The following GSK3B variants were observed in gnomAD, a reference collection of about 807,000 sequenced individuals.
GSK3B encodes glycogen synthase kinase-3 beta.
In GSK3B, 15 loss-of-function variants were observed where a neutral mutation model predicts 56.4. The observed-to-expected ratio is 0.27, with a 90% CI of 0.18 to 0.41. GSK3B has a LOEUF of 0.41. GSK3B is among the 10% of genes least tolerant of loss of function. GSK3B has a pLI of 1.00. For synonymous variants in GSK3B, 181 were observed against 188.9 expected (o/e 0.96, Z 0.34); for missense variants, 300 against 513.4 (o/e 0.58, Z 4.02).
chr3:120,092,913 CT>C (rs2058525993), intron 1 of GSK3B, among the ~76,000 whole-genome samples: 1 of 152,224 alleles, frequency 6.6e-6, no homozygotes, highest in South Asian at 2.1e-4. Flanking sequence ...ATGATAACCC[CT>C]GAGACCTAAA....
intron 1 of GSK3B, among the ~76,000 whole-genome samples, chr3:120,005,830 T>C (rs1326444917): frequency 1.3e-5 from 2 of 152,072 alleles, no homozygotes. Context: ...ACATGCCAAA[T>C]TATAAAGACC....
intron 9 of GSK3B, among the ~76,000 whole-genome samples, chr3:119,857,835 T>C (rs1245352627): frequency 1.3e-5 from 2 of 152,160 alleles, no homozygotes; most frequent in East Asian, 1.9e-4. Flanking sequence ...TAACAGGACA[T>C]AAAAGTAGAA....
In GSK3B at chr3:119,914,024, G is replaced by A. The variant is rs980471129; in HGVS notation, c.609-1214C>T. Among the ~76,000 whole-genome samples, 5 of 152,066 alleles carry A rather than the reference G, an allele frequency of 3.3e-5. No individual in the cohort carries two copies. The East Asian group carries it at 5.8e-4, about 18-fold the overall frequency. On this transcript the variant is annotated intron_variant, in intron 5 of 10. Transcript: ENST00000264235. The stretch of plus-strand genomic sequence containing the variant: ...CAGAAAATTCATTACGAGACAAAAC[G>A]TTAATACCCAAGCTTTGTAGCCTGA...
At chr3:119,947,932 C>T (rs565731968) in intron 2 of GSK3B, among the ~76,000 whole-genome samples, 7 of 150,606 alleles carry the variant, frequency 4.6e-5, no homozygotes, top group African/African-American at 1.5e-4. Flanking sequence ...GATTTGTAGA[C>T]CACACAAAAC....
rs145671544 is a variant in GSK3B at position 120,040,134 on chromosome 3, C to T, written c.89-37895G>A. On this transcript the variant is annotated intron_variant, in intron 1 of 10. Transcript: ENST00000264235. ...GACCAAAGTCAGAAGGTCGCAGGGG[C>T]GACAAAGTATTTCCTTGGTGGTTGG... Among the ~76,000 whole-genome samples, 232 of 152,328 alleles carry T rather than the reference C, an allele frequency of 1.5e-3. 2 individuals carry two copies. Among genetic ancestry groups the T allele is most frequent in the African/African-American group, 5.1e-3 (210 of 41,582 alleles).
chr3:119,909,484 G>C (rs1309163706), intron 6 of GSK3B, among the ~76,000 whole-genome samples: 1 of 152,206 alleles, frequency 6.6e-6, no homozygotes, highest in Non-Finnish European at 1.5e-5. Context: ...CTCCTTGTTT[G>C]TTAGCTTCCT....
At chr3:119,855,159 G>C (rs2056000098) in intron 9 of GSK3B, among the ~76,000 whole-genome samples, 1 of 152,064 alleles carries the variant, frequency 6.6e-6, no homozygotes, top group Admixed American at 6.6e-5. Context: ...CTTTATTTCT[G>C]CCTTCATTTT....
At chr3:119,858,529 T>G (rs529762146) in intron 9 of GSK3B, among the ~76,000 whole-genome samples, 45 of 152,306 alleles carry the variant, frequency 3.0e-4, no homozygotes, top group African/African-American at 1.1e-3. Flanking sequence ...CAGAACTGAG[T>G]GACATTAGGG....
At chr3:120,054,705 T>C in intron 1 of GSK3B, among the ~76,000 whole-genome samples, 1 of 152,182 alleles carries the variant, frequency 6.6e-6, no homozygotes, top group Non-Finnish European at 1.5e-5. Context: ...CTACTTATGC[T>C]ACACTGCTCA....
intron 4 of GSK3B, among the ~76,000 whole-genome samples, chr3:119,919,519 GAAAAAAAAAAAAGAA>G (rs1431614783): frequency 3.1e-3 from 116 of 37,832 alleles, no homozygotes; most frequent in Admixed American, 7.5e-3. Flanking sequence ...GGTTACATAA[GAAAAAAAAAAAAGAA>G]AAAAAAAAAA....
At chr3:120,085,858 G>A (rs1208378146) in intron 1 of GSK3B, among the ~76,000 whole-genome samples, 1 of 151,974 alleles carries the variant, frequency 6.6e-6, no homozygotes, top group Non-Finnish European at 1.5e-5. Context: ...GAAGCAGACA[G>A]TGTTGCATTT....
intron 1 of GSK3B, among the ~76,000 whole-genome samples, chr3:120,091,425 G>C (rs930872269): frequency 6.6e-6 from 1 of 152,072 alleles, no homozygotes; most frequent in Non-Finnish European, 1.5e-5. Flanking sequence ...TATTTTACAA[G>C]AGTTACTCCA....
chr3:119,886,422 C>G (rs2108059725), intron 7 of GSK3B, among the ~76,000 whole-genome samples: 1 of 152,194 alleles, frequency 6.6e-6, no homozygotes, highest in Admixed American at 6.5e-5. Flanking sequence ...GAAAAGGGAA[C>G]ACTTATATGC....
chr3:119,838,772 A>T (rs1228844672), intron 10 of GSK3B, among the ~76,000 whole-genome samples: 1 of 152,204 alleles, frequency 6.6e-6, no homozygotes, highest in African/African-American at 2.4e-5. Context: ...TATATATATT[A>T]TGTGATTCCC....
At chr3:120,008,145 A>T (rs1489708235) in intron 1 of GSK3B, among the ~76,000 whole-genome samples, 2 of 152,226 alleles carry the variant, frequency 1.3e-5, no homozygotes, top group Non-Finnish European at 2.9e-5. Flanking sequence ...TACTAAGAGA[A>T]TAAAATACCT....
At chr3:120,088,647 C>CA (rs955806466) in intron 1 of GSK3B, among the ~76,000 whole-genome samples, 2 of 152,118 alleles carry the variant, frequency 1.3e-5, no homozygotes, top group Non-Finnish European at 2.9e-5. Flanking sequence ...CACACACACA[C>CA]AAAAAATCAG....
intron 8 of GSK3B, among the ~76,000 whole-genome samples, chr3:119,864,986 T>C (rs2056157966): frequency 6.6e-6 from 1 of 152,226 alleles, no homozygotes; most frequent in Admixed American, 6.5e-5. Context: ...CTTTATTCTT[T>C]TGAATACTCT....
intron 3 of GSK3B, among the ~76,000 whole-genome samples, chr3:119,941,014 A>ATTT (rs201037934): frequency 0.023 from 3,127 of 138,816 alleles, 133 homozygotes; most frequent in African/African-American, 0.081. Context: ...ATTACTACTA[A>ATTT]TTTTTTTTTT....
rs201428453 is a variant in GSK3B, at chr3:120,062,021, C to T, written c.88+31326G>A. ...TGTTGGGATTACAGGCATAAGCCAC[C>T]ATTTCCGGCCATATATGAATTTATT... On this transcript the variant is annotated intron_variant, in intron 1 of 10. Transcript: ENST00000264235. Among the ~76,000 whole-genome samples, 7 of 152,282 alleles carry T rather than the reference C, an allele frequency of 4.6e-5. No individual in the cohort carries two copies. In the East Asian group the frequency reaches 1.4e-3, roughly 29 times the overall value.
Sources: allele counts gnomAD v4.1 joint callset (sites outside exome capture counted in the v4.1 genomes callset), GRCh38; gene constraint gnomAD v4.1.1; transcripts MANE v1.5; gene names NCBI Gene and HGNC (gene_info 2026-07-23, HGNC 2026-07-21).